The following CECR2 variants were observed in gnomAD, a reference collection of about 807,000 sequenced individuals.
CECR2 encodes the protein chromatin remodeling regulator CECR2.
A neutral mutation model predicts 154.5 loss-of-function variants in CECR2; 30 were observed. That is an observed-to-expected ratio of 0.19 (90% CI 0.15 to 0.26). The LOEUF (loss-of-function observed/expected upper bound fraction) is 0.26, where lower values mean the gene tolerates loss of function less well. Ranked by LOEUF, CECR2 falls within the 10% of genes least tolerant of loss-of-function variation. CECR2 has a pLI of 1.00. For missense variants in CECR2, 1,743 were observed against 1,829.3 expected (o/e 0.95, Z 0.86); for synonymous variants, 725 against 683.7 (o/e 1.06, Z -0.94).
chr22:17,404,004 A>C (rs2053935492), intron 1 of CECR2, among the ~76,000 whole-genome samples: 1 of 109,368 alleles, frequency 9.1e-6, no homozygotes, highest in Non-Finnish European at 2.1e-5. Flanking sequence ...TCACACCTGC[A>C]ATCCTAGCAC....
At chr22:17,436,518 T>C (rs896973250) in intron 1 of CECR2, among the ~76,000 whole-genome samples, 1 of 152,232 alleles carries the variant, frequency 6.6e-6, no homozygotes, top group Non-Finnish European at 1.5e-5. Context: ...GAGTATCCCT[T>C]ATGAATTAAC....
chr22:17,435,785 G>T (rs1377428589), intron 1 of CECR2, among the ~76,000 whole-genome samples: 1 of 150,438 alleles, frequency 6.6e-6, no homozygotes. Flanking sequence ...CTTATACAGT[G>T]TCTCTCTGGC....
chr22:17,473,194 C>T (rs1338074813), intron 1 of CECR2, among the ~76,000 whole-genome samples: 3 of 152,182 alleles, frequency 2.0e-5, no homozygotes, highest in East Asian at 1.9e-4. Context: ...TAACTGGTCT[C>T]CCTGCCCTAT....
intron 1 of CECR2, among the ~76,000 whole-genome samples, chr22:17,432,817 C>G (rs183117780): frequency 2.8e-4 from 43 of 152,204 alleles, no homozygotes; most frequent in Non-Finnish European, 5.4e-4. Context: ...TTTGTATAGG[C>G]AGGGTCTCAC....
chr22:17,497,327 T>TTC, intron 2 of CECR2, 76 bp from the exon 3 acceptor site: 17 of 1,364,486 alleles, frequency 1.2e-5, no homozygotes, highest in African/African-American at 1.5e-5. Context: ...AGATCATGAG[T>TTC]TCTCTCTCTC....
chr22:17,455,918 C>T (rs193143373), intron 1 of CECR2, among the ~76,000 whole-genome samples: 1 of 152,316 alleles, frequency 6.6e-6, no homozygotes, highest in Admixed American at 6.5e-5. Context: ...TGACCTCACA[C>T]TTTCTGTGGC....
At chr22:17,544,835 A>T (rs2056586363) in intron 16 of CECR2, among the ~76,000 whole-genome samples, 2 of 143,672 alleles carry the variant, frequency 1.4e-5, no homozygotes, top group South Asian at 4.5e-4. Context: ...AAAAAAAAAA[A>T]AGGTTCATGC....
At chr22:17,545,648 G>T (rs1449891427) in intron 16 of CECR2, among the ~76,000 whole-genome samples, 1 of 151,632 alleles carries the variant, frequency 6.6e-6, no homozygotes, top group African/African-American at 2.4e-5. Context: ...TTCAAAACTA[G>T]CCTGGCCAAC....
In CECR2 at chr22:17,520,397, GT is replaced by G. The variant is rs940848635; in HGVS notation, c.955-3711del. ...AAATCTTCCCTTTGACAAGGCTCAG[GT>G]TTTTTTTTTATTGTAAGTAGGATTT... On this transcript the variant is annotated intron_variant, in intron 8 of 18. Transcript: ENST00000262608. 5.4e-3 allele frequency among the ~76,000 whole-genome samples: 806 copies of G among 147,966 alleles called. 8 individuals carry two copies. The highest frequency in any genetic ancestry group is 0.018 in the African/African-American group (726 of 40,512).
chr22:17,459,615 A>G (rs1054366084), intron 1 of CECR2, among the ~76,000 whole-genome samples: 9 of 152,162 alleles, frequency 5.9e-5, no homozygotes, highest in African/African-American at 1.9e-4. Context: ...CACCTGCCCA[A>G]AGATGCAATT....
intron 1 of CECR2, among the ~76,000 whole-genome samples, chr22:17,399,740 A>G (rs1171685512): frequency 6.6e-6 from 1 of 152,200 alleles, no homozygotes. Context: ...GAGGATGAGC[A>G]CAAGTACACT....
chr22:17,442,116 T>C (rs5747141), intron 1 of CECR2, among the ~76,000 whole-genome samples: 45,242 of 152,092 alleles, frequency 0.3, 9,780 homozygotes, highest in African/African-American at 0.58. Context: ...CTATTTTGAA[T>C]TCAGAAGAAG....
intron 7 of CECR2, among the ~76,000 whole-genome samples, 188 bp from the exon 8 acceptor site, chr22:17,511,625 A>G (rs2055955179): frequency 6.6e-6 from 1 of 151,968 alleles, no homozygotes; most frequent in African/African-American, 2.4e-5. Flanking sequence ...TATTTTTTCA[A>G]GAGAATAAAC....
Position 17,542,497 on chromosome 22 carries a change from C to T in CECR2, c.2354C>T (p.Pro785Leu). Residue 785 changes from proline to leucine, a missense_variant, in exon 16 of 19, where the codon CCC becomes CTC. Coordinates refer to ENST00000262608, the MANE Select transcript of CECR2 (RefSeq NM_001290047.2). ...NGNHGATNQG[P>L]LGPDEKPHLG... ...AACCATGGTGCTACGAACCAAGGACCCTTGGGCCCAGATGAGAAGCCCCAC... is the reference window on the plus strand; with the variant it reads ...AACCATGGTGCTACGAACCAAGGACTCTTGGGCCCAGATGAGAAGCCCCAC... 6.2e-7 allele frequency: 1 copy of T among 1,613,986 alleles called. No homozygotes were observed. The highest frequency in any genetic ancestry group is 8.5e-7 in the Non-Finnish European group (1 of 1,179,878).
intron 1 of CECR2, among the ~76,000 whole-genome samples, chr22:17,402,159 A>T: frequency 6.6e-6 from 1 of 151,986 alleles, no homozygotes; most frequent in African/African-American, 2.4e-5. Flanking sequence ...AATTTCTTGT[A>T]TTTTTAGTAG....
intron 1 of CECR2, among the ~76,000 whole-genome samples, chr22:17,416,304 G>A (rs2054155763): frequency 1.3e-5 from 2 of 152,136 alleles, no homozygotes; most frequent in Non-Finnish European, 2.9e-5. Flanking sequence ...TGCTTTGTGA[G>A]TCAAGAAGAT....
intron 1 of CECR2, among the ~76,000 whole-genome samples, chr22:17,423,371 G>T (rs190603686): frequency 2.1e-3 from 318 of 152,206 alleles, no homozygotes; most frequent in African/African-American, 7.4e-3. Context: ...GTTGTGTGTG[G>T]TGGCACACGC....
chr22:17,503,219 A>G lies in CECR2; in HGVS notation c.700+88A>G. 5.5e-6 allele frequency: 7 copies of G among 1,276,954 alleles called. No homozygotes were observed. In the South Asian group the frequency reaches 9.2e-5, roughly 17 times the overall value. The allele number at this position is 1,276,954 out of a possible 1,614,324, so 79.1% of individuals were successfully genotyped here. ...TTGACTCTTTTTCTAGAGTCATACA[A>G]AGTAAAGGTTATTGCAATAGCCTTT... On this transcript the variant is annotated intron_variant, in intron 6 of 18. Coordinates refer to ENST00000262608, the MANE Select transcript of CECR2 (RefSeq NM_001290047.2).
At chr22:17,499,664 A>C in intron 4 of CECR2, 115 bp downstream of exon 4, 1 of 1,063,296 alleles carries the variant, frequency 9.4e-7, no homozygotes, top group Non-Finnish European at 1.3e-6. Flanking sequence ...TTCTCTAAGC[A>C]TGCCTGCAAA....
Sources: allele counts gnomAD v4.1 joint callset (sites outside exome capture counted in the v4.1 genomes callset), GRCh38; gene constraint gnomAD v4.1.1; transcripts MANE v1.5; gene names NCBI Gene and HGNC (gene_info 2026-07-23, HGNC 2026-07-21).